Variants in SLC2A9 observed in about 807,000 individuals in gnomAD.
SLC2A9 encodes the protein solute carrier family 2, facilitated glucose transporter member 9.
Under a neutral mutation model 50.6 loss-of-function variants are expected in SLC2A9, and 39 were observed. That is an observed-to-expected ratio of 0.77 (90% confidence interval 0.60 to 1.01). SLC2A9 has a LOEUF of 1.01. SLC2A9 is among the 50% of genes least tolerant of loss of function. The pLI is 0.00. For missense variants in SLC2A9, 686 were observed against 677.6 expected, an observed-to-expected ratio of 1.01 and a Z score of -0.14; for synonymous variants, 324 against 276.9, an observed-to-expected ratio of 1.17 and a Z score of -1.69.
chr4:9,826,844 T>A (rs571597808), intron 11 of SLC2A9, among the ~76,000 whole-genome samples: 1 of 152,332 alleles, frequency 6.6e-6, no homozygotes, highest in African/African-American at 2.4e-5. Context: ...TTGTTGTTGT[T>A]GTTGCAAATT....
chr4:9,993,286 G>T (rs1758032601), intron 3 of SLC2A9, among the ~76,000 whole-genome samples: 1 of 152,196 alleles, frequency 6.6e-6, no homozygotes, highest in South Asian at 2.1e-4. Flanking sequence ...ATATGTGTAA[G>T]AAGAATAATT....
rs116400843 is a variant in SLC2A9 at position 9,941,399 on chromosome 4, G to A, written c.814+514C>T. Among the ~76,000 whole-genome samples the A allele has an allele frequency of 3.4e-3, 515 of 152,306 alleles. 4 individuals carry two copies. Among genetic ancestry groups the A allele is most frequent in the African/African-American group, 0.011 (469 of 41,562 alleles). The stretch of plus-strand genomic sequence containing the variant: ...ATACTCCTTCCTCCCTCGAAGGACT[G>A]TTGGCAAGGTCCTGTGGGTCATTGT... On this transcript the variant is annotated intron_variant, in intron 6 of 11. Transcript: ENST00000264784.
intron 1 of SLC2A9, 125 bp downstream of exon 1, chr4:10,021,155 C>G: frequency 9.8e-7 from 1 of 1,021,836 alleles, no homozygotes; most frequent in Non-Finnish European, 1.5e-6. Flanking sequence ...GGCCTCCCTG[C>G]CTCAAAGCCC....
rs769460091 is a variant in SLC2A9, at chr4:9,967,368, T to C, written c.681+13224A>G. 7.3e-4 allele frequency among the ~76,000 whole-genome samples: 111 copies of C among 152,186 alleles called. 3 individuals carry two copies. The highest frequency in any genetic ancestry group is 1.3e-3 in the Non-Finnish European group (85 of 67,952). On this transcript the variant is annotated intron_variant, in intron 5 of 11. Transcript: ENST00000264784. The stretch of plus-strand genomic sequence containing the variant: ...AATACACACTAAAATTATGTTATGT[T>C]GAAACATGTTTATAAAACTAAAAAA...
intron 5 of SLC2A9, among the ~76,000 whole-genome samples, chr4:9,974,607 A>T (rs1275184462): frequency 6.6e-6 from 1 of 152,102 alleles, no homozygotes; most frequent in Non-Finnish European, 1.5e-5. Context: ...GAAATCACAG[A>T]TGACACAAAT....
At position 9,955,901 on chromosome 4, in the gene SLC2A9, G is replaced by A. The variant is rs1237068418; in HGVS notation, c.682-13856C>T. Among the ~76,000 whole-genome samples, 3 of 103,920 alleles carry A rather than the reference G, an allele frequency of 2.9e-5. No homozygotes were observed. In the Admixed American group the frequency reaches 3.8e-4, roughly 13 times the overall value. 68.2% of individuals were successfully genotyped at this position (103,920 alleles called of 152,430 possible). A position where few individuals can be genotyped will look rare whatever the true frequency, so the allele number is the denominator to read the frequency against. On this transcript the variant is annotated intron_variant, in intron 5 of 11. Transcript: ENST00000264784. ...TTTTTTTTTTTTTTTTTTTGAGATG[G>A]AGTTTCACTCTTGTTGCCCAGGCTG... is the stretch of plus-strand genomic sequence containing the variant.
chr4:9,852,162 C>A (rs146726123), intron 10 of SLC2A9, among the ~76,000 whole-genome samples: 1 of 151,810 alleles, frequency 6.6e-6, no homozygotes, highest in African/African-American at 2.4e-5. Context: ...AGGACACCAA[C>A]AAAGTGAACC....
At chr4:9,900,828 A>G (rs1215944994) in intron 8 of SLC2A9, among the ~76,000 whole-genome samples, 1 of 152,174 alleles carries the variant, frequency 6.6e-6, no homozygotes, top group African/African-American at 2.4e-5. Context: ...AGTCCCTTAT[A>G]AAACCATCAG....
intron 10 of SLC2A9, among the ~76,000 whole-genome samples, chr4:9,873,061 T>G (rs1443043888): frequency 1.3e-5 from 2 of 152,212 alleles, no homozygotes; most frequent in South Asian, 4.1e-4. Context: ...CCTATAGCCT[T>G]TTTGCACCAT....
At chr4:10,020,903 C>T (rs767702036) in intron 1 of SLC2A9, among the ~76,000 whole-genome samples, 3 of 152,204 alleles carry the variant, frequency 2.0e-5, no homozygotes, top group Non-Finnish European at 2.9e-5. Context: ...GCCCTCCACC[C>T]GCTCCCCACT....
At chr4:9,930,908 G>C (rs900152041) in intron 6 of SLC2A9, among the ~76,000 whole-genome samples, 1 of 152,174 alleles carries the variant, frequency 6.6e-6, no homozygotes, top group African/African-American at 2.4e-5. Context: ...TGGAGAGGAA[G>C]ATGAACAACA....
chr4:9,856,861 A>G (rs4697691), intron 10 of SLC2A9, among the ~76,000 whole-genome samples: 78,372 of 152,010 alleles, frequency 0.52, 22,092 homozygotes, highest in African/African-American at 0.75. Flanking sequence ...ACTAATATAG[A>G]AACAGAAAAC....
chr4:9,841,760 T>C (rs1162646711), intron 10 of SLC2A9, among the ~76,000 whole-genome samples: 1 of 152,154 alleles, frequency 6.6e-6, no homozygotes, highest in Non-Finnish European at 1.5e-5. Flanking sequence ...GTCAGGGGCA[T>C]ATTCTACTCC....
At chr4:9,876,180 T>G (rs1734287689) in intron 10 of SLC2A9, among the ~76,000 whole-genome samples, 1 of 152,180 alleles carries the variant, frequency 6.6e-6, no homozygotes, top group Non-Finnish European at 1.5e-5. Context: ...ATGGAGAAAT[T>G]TAATGAAAAT....
At chr4:10,007,136 C>T (rs1760938534) in intron 2 of SLC2A9, among the ~76,000 whole-genome samples, 1 of 152,204 alleles carries the variant, frequency 6.6e-6, no homozygotes, top group South Asian at 2.1e-4. Context: ...CATTCCTGTG[C>T]CAACGCCTGT....
At chr4:9,782,349 G>T in intron 3 of SLC2A9, 1 of 1,614,046 alleles carries the variant, frequency 6.2e-7, no homozygotes, top group African/African-American at 1.3e-5. Flanking sequence ...GCCGGTTACT[G>T]GCCCTTTGGA....
intron 3 of SLC2A9, among the ~76,000 whole-genome samples, chr4:9,994,980 C>T (rs113995811): frequency 0.014 from 2,098 of 152,204 alleles, 21 homozygotes; most frequent in Middle Eastern, 0.054. Context: ...ATCTGAGTGC[C>T]AGCCTGTTGT....
downstream of SLC2A9, among the ~76,000 whole-genome samples, chr4:9,775,786 A>T (rs1294011088): frequency 6.6e-6 from 1 of 151,882 alleles, no homozygotes; most frequent in Non-Finnish European, 1.5e-5. Context: ...GACAATTCAA[A>T]CTCTTTTCTT....
chr4:9,900,112 T>G (rs1352262508), intron 8 of SLC2A9, among the ~76,000 whole-genome samples: 1 of 152,208 alleles, frequency 6.6e-6, no homozygotes, highest in African/African-American at 2.4e-5. Flanking sequence ...GATGTCCAGA[T>G]GACTTAGGAG....
Sources: gnomAD v4.1 joint callset for allele counts (sites outside exome capture counted in the v4.1 genomes callset) on GRCh38, gnomAD v4.1.1 for gene constraint, MANE v1.5 for transcripts, NCBI Gene and HGNC (gene_info 2026-07-23, HGNC 2026-07-21) for gene names.